Variants in C18orf54 observed in about 807,000 individuals in gnomAD.
C18orf54 encodes lung adenoma susceptibility protein 2.
A neutral mutation model predicts 49.3 loss-of-function variants in C18orf54; 49 were observed. That is an observed-to-expected ratio of 0.99 (90% CI 0.79 to 1.26). C18orf54 has a LOEUF of 1.26. C18orf54 is among the 50% of genes most tolerant of loss of function. C18orf54 has a pLI of 0.00. For synonymous variants in C18orf54, 211 were observed against 216.6 expected (o/e 0.97, Z 0.23); for missense variants, 687 against 620.6 (o/e 1.11, Z -1.14).
intron 6 of C18orf54, among the ~76,000 whole-genome samples, chr18:54,369,466 C>CTTTTTTTTTT (rs140753589): frequency 1.1e-5 from 1 of 89,152 alleles, no homozygotes; most frequent in Non-Finnish European, 2.0e-5. Flanking sequence ...TTGTATATTG[C>CTTTTTTTTTT]TTTTTTTTTT....
At chr18:54,359,302 T>C (rs1265372032) in intron 2 of C18orf54, among the ~76,000 whole-genome samples, 1 of 152,176 alleles carries the variant, frequency 6.6e-6, no homozygotes, top group Non-Finnish European at 1.5e-5. Context: ...ATAAAAGGGA[T>C]ACGAAAAAGG....
intron 5 of C18orf54, 135 bp downstream of exon 5, chr18:54,363,056 TA>T: frequency 1.2e-6 from 1 of 852,058 alleles, no homozygotes; most frequent in Non-Finnish European, 1.7e-6. Context: ...TTACTTGCTT[TA>T]AATTGCATTT....
At chr18:54,365,153 AT>A (rs2089357249) in intron 5 of C18orf54, among the ~76,000 whole-genome samples, 1 of 152,016 alleles carries the variant, frequency 6.6e-6, no homozygotes, top group African/African-American at 2.4e-5. Context: ...TGAAACTGAA[AT>A]TCAGATAAAT....
rs1290516725 is a variant in C18orf54 at position 54,360,537 on chromosome 18, G to A, written c.-36G>A. On this transcript the variant is annotated 5_prime_UTR_variant, in exon 3 of 9. Transcript: ENST00000620105. ...GTTTTTGTATTACAGTTGTTTTTAAGGGAAATGAATAGAAACAATCCACTT... is the reference window on the plus strand; with the variant it reads ...GTTTTTGTATTACAGTTGTTTTTAAAGGAAATGAATAGAAACAATCCACTT... 1 of 1,594,038 alleles carries A rather than the reference G, an allele frequency of 6.3e-7. No individual in the cohort carries two copies. The highest frequency in any genetic ancestry group is 1.1e-5 in the South Asian group (1 of 88,954).
At chr18:54,376,063 TA>T (rs1255815861) in intron 8 of C18orf54, among the ~76,000 whole-genome samples, 2 of 152,210 alleles carry the variant, frequency 1.3e-5, no homozygotes, top group African/African-American at 4.8e-5. Context: ...ATTTACAAAA[TA>T]TTTCCAAAAT....
At chr18:54,369,837 G>T (rs1216831225) in intron 6 of C18orf54, among the ~76,000 whole-genome samples, 1 of 151,926 alleles carries the variant, frequency 6.6e-6, no homozygotes, top group Non-Finnish European at 1.5e-5. Flanking sequence ...AGTTACTTAG[G>T]TTATTTTCTT....
chr18:54,366,099 ATC>A (rs1394101620), intron 6 of C18orf54, among the ~76,000 whole-genome samples: 1 of 151,884 alleles, frequency 6.6e-6, no homozygotes, highest in African/African-American at 2.4e-5. Context: ...GCATACCATC[ATC>A]TCAAATATTT....
At position 54,369,945 on chromosome 18, in the gene C18orf54, A is replaced by G. The variant is rs191867063; in HGVS notation, c.1327-2521A>G. Among the ~76,000 whole-genome samples the G allele has an allele frequency of 7.9e-5, 12 of 152,098 alleles. No individual in the cohort carries two copies. In the East Asian group the frequency reaches 2.1e-3, roughly 27 times the overall value. On this transcript the variant is annotated intron_variant, in intron 6 of 8. Transcript: ENST00000620105. The stretch of plus-strand genomic sequence containing the variant: ...GTTGGCCCTCTGATGTGTGGGTTCC[A>G]CATCTGTAGATTCAACCAACTGCAA...
chr18:54,360,529 GT>G lies in C18orf54; in HGVS notation c.-39del, dbSNP rs1555682988. On this transcript the variant is annotated 5_prime_UTR_variant, in exon 3 of 9. The change creates a premature stop within an existing upstream ORF in the 5' untranslated region. Transcript: ENST00000620105. ...AACATTTCGTTTTTGTATTACAGTT[GT>G]TTTTAAGGGAAATGAATAGAAACAA... The G allele has an allele frequency of 6.3e-7, 1 of 1,588,298 alleles. No individual in the cohort carries two copies. Among genetic ancestry groups the G allele is most frequent in the African/African-American group, 1.4e-5 (1 of 73,902 alleles).
Position 54,379,444 on chromosome 18 carries a change from T to G in C18orf54, c.*1198T>G, listed in dbSNP as rs1272575040. Reference sequence around the variant, plus strand: ...CATTTTTTCCAAGTTAATAAAGTGTTATTTACTATCTTTGTTAGAGGTGAC... The same window carrying G: ...CATTTTTTCCAAGTTAATAAAGTGTGATTTACTATCTTTGTTAGAGGTGAC... On this transcript the variant is annotated 3_prime_UTR_variant, in exon 9 of 9. Coordinates refer to ENST00000620105, the MANE Select transcript of C18orf54 (RefSeq NM_001288980.2). The G allele has an allele frequency of 1.3e-5, 2 of 151,892 alleles. No homozygotes were observed. The highest frequency in any genetic ancestry group is 2.9e-5 in the Non-Finnish European group (2 of 67,906). 9.4% of individuals were successfully genotyped at this position (151,892 alleles called of 1,614,324 possible).
In C18orf54 at chr18:54,364,496, C is replaced by T. The variant is rs375034034; in HGVS notation, c.1224-1223C>T. Among the ~76,000 whole-genome samples, 479 of 152,052 alleles carry T rather than the reference C, an allele frequency of 3.2e-3. 2 individuals carry two copies. The highest frequency in any genetic ancestry group is 5.1e-3 in the Non-Finnish European group (348 of 67,922). On this transcript the variant is annotated intron_variant, in intron 5 of 8. Coordinates refer to ENST00000620105, the MANE Select transcript of C18orf54 (RefSeq NM_001288980.2). ...TGTAGATAAAACTAAGGGTGAATTG[C>T]TGAGAAGGAATAGATCTCAGTTTGA...
chr18:54,358,834 T>C lies in C18orf54; in HGVS notation c.-83T>C, dbSNP rs919136607. ...TGTTCTTCCGCGTGATGGATTTTCT[T>C]TTGGAGATTCGAACTGAAGCCTGTA... On this transcript the variant is annotated 5_prime_UTR_variant, in exon 2 of 9. Transcript: ENST00000620105. 1.3e-5 allele frequency: 2 copies of C among 152,254 alleles called. No individual in the cohort carries two copies. The highest frequency in any genetic ancestry group is 2.9e-5 in the Non-Finnish European group (2 of 68,036). 9.4% of individuals were successfully genotyped at this position (152,254 alleles called of 1,614,324 possible). A position where few individuals can be genotyped will look rare whatever the true frequency, so the allele number is the denominator to read the frequency against.
At chr18:54,370,741 A>T (rs2089471518) in intron 6 of C18orf54, among the ~76,000 whole-genome samples, 1 of 152,120 alleles carries the variant, frequency 6.6e-6, no homozygotes, top group South Asian at 2.1e-4. Flanking sequence ...TTCTTTTGAT[A>T]CTCTGACCAC....
chr18:54,359,748 C>T (rs1217887359), intron 2 of C18orf54, among the ~76,000 whole-genome samples: 1 of 152,156 alleles, frequency 6.6e-6, no homozygotes, highest in Non-Finnish European at 1.5e-5. Context: ...TTCAAATATA[C>T]ATCCTGTTAC....
chr18:54,360,519 T>A lies in C18orf54; in HGVS notation c.-46-8T>A, dbSNP rs1363680769. On this transcript the variant is annotated splice_region_variant and splice_polypyrimidine_tract_variant and intron_variant, in intron 2 of 8. Coordinates refer to ENST00000620105, the MANE Select transcript of C18orf54 (RefSeq NM_001288980.2). ...TTGGCATCTTAACATTTCGTTTTTG[T>A]ATTACAGTTGTTTTTAAGGGAAATG... is the stretch of plus-strand genomic sequence containing the variant. The A allele has an allele frequency of 7.6e-6, 12 of 1,569,918 alleles. No homozygotes were observed. The highest frequency in any genetic ancestry group is 1.4e-5 in the African/African-American group (1 of 73,386).
chr18:54,361,418 T>A (rs944226738), intron 3 of C18orf54, among the ~76,000 whole-genome samples: 1 of 152,048 alleles, frequency 6.6e-6, no homozygotes, highest in Non-Finnish European at 1.5e-5. Context: ...CACAGGAAAA[T>A]TCAGGAGGTT....
intron 7 of C18orf54, 81 bp downstream of exon 7, chr18:54,372,678 T>C: frequency 7.6e-7 from 1 of 1,316,682 alleles, no homozygotes; most frequent in South Asian, 1.6e-5. Context: ...TAGACCTACT[T>C]ATAGTTTTAT....
At chr18:54,371,609 A>G (rs1267395280) in intron 6 of C18orf54, among the ~76,000 whole-genome samples, 1 of 152,064 alleles carries the variant, frequency 6.6e-6, no homozygotes, top group Non-Finnish European at 1.5e-5. Flanking sequence ...TTTCCGCTCC[A>G]TTTCTTATAT....
In C18orf54 at chr18:54,359,566, A is replaced by G. The variant is rs147369696; in HGVS notation, c.-47+696A>G. The stretch of plus-strand genomic sequence containing the variant: ...TACTAAGATTACATTAAAAGTTGTT[A>G]TAACAAATATTTCTAAAATTATAGC... On this transcript the variant is annotated intron_variant, in intron 2 of 8. Coordinates refer to ENST00000620105, the MANE Select transcript of C18orf54 (RefSeq NM_001288980.2). Among the ~76,000 whole-genome samples, 136 of 152,360 alleles carry G rather than the reference A, an allele frequency of 8.9e-4. 2 individuals are homozygous for G. Among genetic ancestry groups the G allele is most frequent in the African/African-American group, 3.1e-3 (127 of 41,590 alleles).
Sources: gnomAD v4.1 joint callset for allele counts (sites outside exome capture counted in the v4.1 genomes callset) on GRCh38, gnomAD v4.1.1 for gene constraint, MANE v1.5 for transcripts, NCBI Gene and HGNC (gene_info 2026-07-23, HGNC 2026-07-21) for gene names.